The following ZNF205 variants were observed in gnomAD, a reference collection of about 807,000 sequenced individuals.
ZNF205 encodes the protein transcriptional repressor RHIT.
ZNF205 carries 32 observed loss-of-function variants against 53.6 expected under a neutral mutation model. That is an observed-to-expected ratio of 0.60 (90% CI 0.45 to 0.80). ZNF205 has a LOEUF of 0.80. ZNF205 is among the 30% of genes least tolerant of loss of function. ZNF205 has a pLI of 0.00. For synonymous variants in ZNF205, 382 were observed against 334.3 expected (o/e 1.14, Z -1.56); for missense variants, 836 against 782.4 (o/e 1.07, Z -0.82).
intron 4 of ZNF205, 152 bp downstream of exon 4, chr16:3,116,072 G>A: frequency 1.3e-5 from 12 of 922,090 alleles, no homozygotes; most frequent in Non-Finnish European, 2.0e-5. Context: ...CAGGCTCAAG[G>A]CCCATGGTCA....
rs375008199 is a variant in ZNF205, at chr16:3,120,108, A to G, written c.1448A>G (p.Lys483Arg). 1.1e-4 allele frequency: 177 copies of G among 1,613,658 alleles called. No homozygotes were observed. Among genetic ancestry groups the G allele is most frequent in the Non-Finnish European group, 1.4e-4 (171 of 1,179,836 alleles). ...CCCTACCACTGCCTCGACTGCGGCA[A>G]GAGCTTCAGCCACAGCTCGCACCTC... is the stretch of plus-strand genomic sequence containing the variant. Reference protein sequence around the residue: ...EKPYHCLDCGKSFSHSSHLTA... With the variant: ...EKPYHCLDCGRSFSHSSHLTA... Residue 483 changes from lysine to arginine, a missense_variant, in exon 7 of 7, where the codon AAG becomes AGG. By Grantham distance (26) the Lys-to-Arg change is conservative. Coordinates refer to ENST00000219091, the MANE Select transcript of ZNF205 (RefSeq NM_001042428.2).
Position 3,119,342 on chromosome 16 carries a change from GT to G in ZNF205, c.683del (p.Val228AlafsTer97). 6.2e-7 allele frequency: 1 copy of G among 1,612,858 alleles called. No individual in the cohort carries two copies. The highest frequency in any genetic ancestry group is 8.5e-7 in the Non-Finnish European group (1 of 1,179,812). On this transcript the variant is annotated frameshift_variant, in exon 7 of 7. Coordinates refer to ENST00000219091, the MANE Select transcript of ZNF205 (RefSeq NM_001042428.2). LOFTEE classifies it high-confidence loss of function. ...VKPFRTRAGR[V>X]QWGVPQCAQE... ...GCCCTTCAGAACCAGGGCAGGGAGA[GT>G]CCAGTGGGGCGTCCCGCAGTGCGCG...
chr16:3,115,370 C>T lies in ZNF205; in HGVS notation c.73C>T (p.His25Tyr), dbSNP rs1356779651. 2 of 1,600,812 alleles carry T rather than the reference C, an allele frequency of 1.2e-6. No homozygotes were observed. The highest frequency in any genetic ancestry group is 1.3e-5 in the African/African-American group (1 of 74,276). Residue 25 changes from histidine (H) to tyrosine (Y), a missense_variant, in exon 3 of 7, where the codon CAT (histidine) becomes TAT (tyrosine). His to Tyr is a moderately conservative substitution (Grantham distance 83, BLOSUM62 2). Coordinates refer to ENST00000219091, the MANE Select transcript of ZNF205 (RefSeq NM_001042428.2). ...ETPPEVPDRG[H>Y]PHQEMPSKLG... is the part of the protein sequence containing the mutation. ...TCCTTTCTAGGTTCCAGATCGTGGACATCCTCATCAGGAAATGCCTTCTAA... is the reference window on the plus strand; with the variant it reads ...TCCTTTCTAGGTTCCAGATCGTGGATATCCTCATCAGGAAATGCCTTCTAA...
In ZNF205 at chr16:3,119,467, TC is replaced by T; in HGVS notation, c.810del (p.Thr271ArgfsTer54). On this transcript the variant is annotated frameshift_variant, in exon 7 of 7. Transcript: ENST00000219091. LOFTEE classifies it high-confidence loss of function. ...CGGATGCAGCTCCGCCAGACCCCAGTCCCACGGAGCCCCAGGAGTACCGCGT... is the reference window on the plus strand; with the variant it reads ...CGGATGCAGCTCCGCCAGACCCCAGTCCACGGAGCCCCAGGAGTACCGCGT... ...TPDAAPPDPS[P>X]TEPQEYRVPE... is the part of the protein sequence containing the mutation. 2 of 1,590,182 alleles carry T rather than the reference TC, an allele frequency of 1.3e-6. No individual in the cohort carries two copies. Among genetic ancestry groups the T allele is most frequent in the Non-Finnish European group, 1.7e-6 (2 of 1,169,518 alleles).
intron 3 of ZNF205, 54 bp downstream of exon 3, chr16:3,115,622 TGGA>T: frequency 6.6e-7 from 1 of 1,512,596 alleles, no homozygotes; most frequent in Non-Finnish European, 8.8e-7. Context: ...TGTGGGGAGG[TGGA>T]GGTTTGGCCC....
At chr16:3,117,442 CTTTTTTTTTTT>C (rs139893783) in intron 5 of ZNF205, among the ~76,000 whole-genome samples, 2 of 73,188 alleles carry the variant, frequency 2.7e-5, no homozygotes, top group Admixed American at 2.1e-4. Context: ...AGTCCCAGAG[CTTTTTTTTTTT>C]TTTTTTTTTT....
Position 3,120,226 on chromosome 16 carries a change from C to G in ZNF205, c.1566C>G (p.His522Gln). Residue 522 changes from histidine to glutamine, a missense_variant, in exon 7 of 7, where the codon CAC becomes CAG. His to Gln is a conservative substitution (Grantham distance 24, BLOSUM62 0). Coordinates refer to ENST00000219091, the MANE Select transcript of ZNF205 (RefSeq NM_001042428.2). ...SFSRRSNLHR[H>Q]EKIHTTGPKA... Reference sequence around the variant, plus strand: ...GCCGGCGCTCCAACCTGCACCGGCACGAGAAGATCCACACCACCGGGCCCA... The same window carrying G: ...GCCGGCGCTCCAACCTGCACCGGCAGGAGAAGATCCACACCACCGGGCCCA... The G allele has an allele frequency of 6.2e-7, 1 of 1,609,524 alleles. No homozygotes were observed. The highest frequency in any genetic ancestry group is 8.5e-7 in the Non-Finnish European group (1 of 1,179,734).
chr16:3,113,938 C>T (rs759221939), intron 2 of ZNF205, among the ~76,000 whole-genome samples: 1 of 151,760 alleles, frequency 6.6e-6, no homozygotes, highest in African/African-American at 2.4e-5. Context: ...CCTGGGTCTC[C>T]GGGCTTGGAG....
At chr16:3,116,912 A>G (rs2151229554) in intron 5 of ZNF205, among the ~76,000 whole-genome samples, 1 of 152,262 alleles carries the variant, frequency 6.6e-6, no homozygotes, top group East Asian at 1.9e-4. Context: ...CTCCTGCCTC[A>G]GCCTCCCAAG....
Position 3,119,432 on chromosome 16 carries a change from G to C in ZNF205, c.772G>C (p.Asp258His), listed in dbSNP as rs1957390238. The C allele has an allele frequency of 1.3e-6, 2 of 1,599,256 alleles. No individual in the cohort carries two copies. The highest frequency in any genetic ancestry group is 1.7e-6 in the Non-Finnish European group (2 of 1,174,178). ...AGACTCCGGGCAGCCGGCTGAGCCA[G>C]ATCGCACCCCGGATGCAGCTCCGCC... is the stretch of plus-strand genomic sequence containing the variant. ...AKDSGQPAEP[D>H]RTPDAAPPDP... The change falls in exon 7 of 7, where the codon GAT (aspartate) becomes CAT (histidine). Residue 258 changes from aspartate (D) to histidine (H), a missense_variant. Transcript: ENST00000219091.
In ZNF205 at chr16:3,116,887, C is replaced by T. The variant is rs1459035229; in HGVS notation, c.484+340C>T. Among the ~76,000 whole-genome samples the T allele has an allele frequency of 7.2e-5, 11 of 152,254 alleles. No homozygotes were observed. In the East Asian group the frequency reaches 7.7e-4, roughly 11 times the overall value. On this transcript the variant is annotated intron_variant, in intron 5 of 6. Transcript: ENST00000219091. The stretch of plus-strand genomic sequence containing the variant: ...TCGGCTCACTGCAAGCTCCGCCTCC[C>T]GGGTTCATGCCATTCTCCTGCCTCA...
rs147630313 is a variant in ZNF205, at chr16:3,120,131, C to T, written c.1471C>T (p.Leu491Phe). The stretch of plus-strand genomic sequence containing the variant: ...CAAGAGCTTCAGCCACAGCTCGCAC[C>T]TCACCGCGCACCAGCGCACCCACCG... ...CGKSFSHSSH[L>F]TAHQRTHRGV... The change falls in exon 7 of 7, where the codon CTC becomes TTC. Residue 491 changes from leucine (L) to phenylalanine (F), a missense_variant. Physicochemically the swap from Leu to Phe is conservative, Grantham distance 22. Transcript: ENST00000219091. 6.8e-6 allele frequency: 11 copies of T among 1,613,436 alleles called. No individual in the cohort carries two copies. In the African/African-American group the frequency reaches 1.3e-4, roughly 20 times the overall value.
chr16:3,115,766 C>G (rs866445590), intron 3 of ZNF205, 63 bp from the exon 4 acceptor site: 3 of 1,520,654 alleles, frequency 2.0e-6, no homozygotes, highest in African/African-American at 2.7e-5. Context: ...TTTGAGGCAG[C>G]TGAAGTAGCA....
rs770148978 is a variant in ZNF205 at position 3,119,005 on chromosome 16, C to T, written c.585C>T (p.Gly195=). 34 of 1,613,118 alleles carry T rather than the reference C, an allele frequency of 2.1e-5. No individual in the cohort carries two copies. The highest frequency in any genetic ancestry group is 3.3e-4 in the Middle Eastern group (2 of 6,054). Residue 195 remains glycine (G), a synonymous_variant, in exon 6 of 7, where the codon GGC becomes GGT. Transcript: ENST00000219091. ...CAGGAGATGAGAAGGAGTGGAGAGGCGCGTGCACAGGTGAGGGACGGGCGC... is the reference window on the plus strand; with the variant it reads ...CAGGAGATGAGAAGGAGTGGAGAGGTGCGTGCACAGGTGAGGGACGGGCGC... ...RQAGDEKEWR[G]ACTGAVEVGQ...
In ZNF205 at chr16:3,112,643, G is replaced by T. The variant is rs1957282488; in HGVS notation, c.-54G>T. On this transcript the variant is annotated 5_prime_UTR_variant, in exon 1 of 7. Coordinates refer to ENST00000219091, the MANE Select transcript of ZNF205 (RefSeq NM_001042428.2). The stretch of plus-strand genomic sequence containing the variant: ...TGGAGACTCCCTTCCCGGGGGAGGG[G>T]GCCCCCACTGCCGCAGGTGCCCCCT... 9 of 304,378 alleles carry T rather than the reference G, an allele frequency of 3.0e-5. No homozygotes were observed. Among genetic ancestry groups the T allele is most frequent in the South Asian group, 2.5e-4 (9 of 36,322 alleles). The allele number at this position is 304,378 out of a possible 1,614,324, so 18.9% of individuals were successfully genotyped here.
In ZNF205 at chr16:3,118,511, C is replaced by G. The variant is rs542610124; in HGVS notation, c.485-394C>G. ...CAAAATTCCTGGGGCCACACCCCCC[C>G]AAGACTTGACAAATGGGATGACCTT... On this transcript the variant is annotated intron_variant, in intron 5 of 6. Transcript: ENST00000219091. 5.3e-5 allele frequency among the ~76,000 whole-genome samples: 8 copies of G among 152,338 alleles called. 1 individual carries two copies. Among genetic ancestry groups the G allele is most frequent in the African/African-American group, 1.9e-4 (8 of 41,584 alleles).
rs1045156524 is a variant in ZNF205, at chr16:3,115,338, G to C, written c.58-17G>C. 1.9e-6 allele frequency: 3 copies of C among 1,551,062 alleles called. No homozygotes were observed. Among genetic ancestry groups the C allele is most frequent in the East Asian group, 2.4e-5 (1 of 41,406 alleles). On this transcript the variant is annotated splice_polypyrimidine_tract_variant and intron_variant, in intron 2 of 6. Transcript: ENST00000219091. ...CTCTCCCACTCATCTGGGTGCTGATGGGGCTGTCCTTTCTAGGTTCCAGAT... is the reference window on the plus strand; with the variant it reads ...CTCTCCCACTCATCTGGGTGCTGATCGGGCTGTCCTTTCTAGGTTCCAGAT...
Position 3,113,457 on chromosome 16 carries a change from G to C in ZNF205, c.27G>C (p.Gln9His). The C allele has an allele frequency of 6.2e-7, 1 of 1,613,648 alleles. No individual in the cohort carries two copies. The change falls in exon 2 of 7, where the codon CAG becomes CAC. Residue 9 changes from glutamine (Q) to histidine (H), a missense_variant. Physicochemically the swap from Gln to His is conservative, Grantham distance 24. Transcript: ENST00000219091. The part of the protein sequence containing the change: MSADGGGI[Q>H]DTQDKETPPE... ...TGTCTGCAGACGGCGGAGGCATCCA[G>C]GACACCCAGGACAAGGAGACACCCC...
At position 3,115,899 on chromosome 16, in the gene ZNF205, G is replaced by C. The variant is rs139576088; in HGVS notation, c.342G>C (p.Ala114=). ...GRTRDRQMAA[A]LLTAWSQMPV... is the part of the protein sequence containing the mutation. The stretch of plus-strand genomic sequence containing the variant: ...CCAGAGACCGGCAGATGGCTGCAGC[G>C]CTCCTCACTGCCTGGTCCCAGGTGA... Residue 114 remains alanine (A), a synonymous_variant, in exon 4 of 7, where the codon GCG becomes GCC. Coordinates refer to ENST00000219091, the MANE Select transcript of ZNF205 (RefSeq NM_001042428.2). 2.5e-6 allele frequency: 4 copies of C among 1,613,732 alleles called. No homozygotes were observed. The highest frequency in any genetic ancestry group is 2.5e-6 in the Non-Finnish European group (3 of 1,179,974).
Sources: gnomAD v4.1 joint callset for allele counts (sites outside exome capture counted in the v4.1 genomes callset) on GRCh38, gnomAD v4.1.1 for gene constraint, MANE v1.5 for transcripts, NCBI Gene and HGNC (gene_info 2026-07-23, HGNC 2026-07-21) for gene names.